FYB1: variants seen among roughly 807,000 people sequenced by gnomAD.
FYB1 encodes FYN-binding protein 1.
Under a neutral mutation model 94.1 loss-of-function variants are expected in FYB1, and 41 were observed. That is an observed-to-expected ratio of 0.44 (90% CI 0.34 to 0.57). FYB1 has a LOEUF of 0.57. Among genes scored for constraint, FYB1 ranks in the 20% least tolerant of loss-of-function variants. The pLI is 0.02. For synonymous variants in FYB1, 367 were observed against 353.2 expected (o/e 1.04, Z -0.44); for missense variants, 1,050 against 976.8 (o/e 1.07, Z -1.00).
intron 1 of FYB1, among the ~76,000 whole-genome samples, chr5:39,265,853 T>C (rs1290550365): frequency 1.3e-5 from 2 of 152,124 alleles, no homozygotes; most frequent in Non-Finnish European, 2.9e-5. Flanking sequence ...GGAGCTCAAA[T>C]AACCTTTGTT....
chr5:39,211,114 C>T (rs1489867392), intron 1 of FYB1: 2 of 152,102 alleles, frequency 1.3e-5, no homozygotes, highest in African/African-American at 4.8e-5. Context: ...AATTAGAAAA[C>T]AGTTTTTCAG....
intron 1 of FYB1, among the ~76,000 whole-genome samples, chr5:39,229,855 C>T (rs1750641505): frequency 6.6e-6 from 1 of 152,162 alleles, no homozygotes; most frequent in East Asian, 1.9e-4. Context: ...GCTGGCTTCA[C>T]AAGAGAATAA....
intron 3 of FYB1, among the ~76,000 whole-genome samples, chr5:39,145,117 T>C (rs1742530449): frequency 6.6e-6 from 1 of 152,208 alleles, no homozygotes; most frequent in Non-Finnish European, 1.5e-5. Flanking sequence ...GAAAGGAACG[T>C]GGAGGCTCGT....
At chr5:39,200,190 C>A (rs1276476156) in intron 2 of FYB1, among the ~76,000 whole-genome samples, 1 of 152,202 alleles carries the variant, frequency 6.6e-6, no homozygotes, top group African/African-American at 2.4e-5. Context: ...TAAACTCCGT[C>A]TGCTCTGCAG....
At chr5:39,170,422 C>A in intron 2 of FYB1, 2 of 467,472 alleles carry the variant, frequency 4.3e-6, no homozygotes, top group Non-Finnish European at 3.9e-6. Flanking sequence ...CGGACCCCCT[C>A]AGCAGCAGAC....
chr5:39,136,680 A>T (rs1307186473), intron 7 of FYB1, among the ~76,000 whole-genome samples: 1 of 152,180 alleles, frequency 6.6e-6, no homozygotes, highest in South Asian at 2.1e-4. Context: ...GTGCAACTGG[A>T]ATTTGAATCA....
At chr5:39,122,244 A>T in intron 14 of FYB1, 92 bp downstream of exon 14, 2 of 791,018 alleles carry the variant, frequency 2.5e-6, no homozygotes, top group Non-Finnish European at 4.3e-6. Flanking sequence ...CGCACACAGT[A>T]GACACACATC....
chr5:39,137,774 G>C (rs1741789949), intron 6 of FYB1, 54 bp from the exon 7 acceptor site: 1 of 1,545,898 alleles, frequency 6.5e-7, no homozygotes, highest in Non-Finnish European at 8.7e-7. Context: ...TGATGCGTCG[G>C]AACTCCCTAC....
Position 39,178,687 on chromosome 5 carries a change from C to CA in FYB1, c.1135+23138dup, listed in dbSNP as rs201361382. Among the ~76,000 whole-genome samples the CA allele has an allele frequency of 0.011, 1,609 of 151,752 alleles. 65 individuals are homozygous for CA. The East Asian group carries it at 0.14, about 13-fold the overall frequency. Reference sequence around the variant, plus strand: ...GGTTTTTTTTAACTGCAACAAGATTCAAAAAAATGCATAAGTCCTCCCATT... The same window carrying CA: ...GGTTTTTTTTAACTGCAACAAGATTCAAAAAAAATGCATAAGTCCTCCCATT... On this transcript the variant is annotated intron_variant, in intron 2 of 18. Transcript: ENST00000512982.
intron 3 of FYB1, among the ~76,000 whole-genome samples, chr5:39,148,922 A>T (rs541154104): frequency 6.6e-6 from 1 of 152,184 alleles, no homozygotes; most frequent in Non-Finnish European, 1.5e-5. Flanking sequence ...TTCTGTTTCA[A>T]TATGAAAAAT....
At chr5:39,141,581 G>A (rs954306800) in intron 3 of FYB1, among the ~76,000 whole-genome samples, 3 of 152,178 alleles carry the variant, frequency 2.0e-5, no homozygotes, top group Non-Finnish European at 4.4e-5. Flanking sequence ...CTTGAAGTCA[G>A]GAGTTCCAGA....
In FYB1 at chr5:39,202,216, CT is replaced by C. The variant is rs1381977863; in HGVS notation, c.744del (p.Asp249ThrfsTer16). On this transcript the variant is annotated frameshift_variant, in exon 2 of 19. Transcript: ENST00000512982. LOFTEE classifies it high-confidence loss of function. ...LKPAREDSEN[K>X]DHAGEISSLP... is the part of the protein sequence containing the mutation. Reference sequence around the variant, plus strand: ...AAACTTGAAATCTCCCCTGCATGGTCTTTATTTTCTGAGTCTTCCCTTGCTG... The same window carrying C: ...AAACTTGAAATCTCCCCTGCATGGTCTTATTTTCTGAGTCTTCCCTTGCTG... The C allele has an allele frequency of 6.2e-7, 1 of 1,613,976 alleles. No homozygotes were observed. The highest frequency in any genetic ancestry group is 8.5e-7 in the Non-Finnish European group (1 of 1,179,888).
At chr5:39,123,115 C>A (rs1397651251) in intron 13 of FYB1, among the ~76,000 whole-genome samples, 3 of 152,126 alleles carry the variant, frequency 2.0e-5, no homozygotes, top group Non-Finnish European at 4.4e-5. Context: ...ATATTAATTA[C>A]TCTACAGTCA....
chr5:39,120,224 T>TTGTGTGTG (rs10532379), intron 14 of FYB1, among the ~76,000 whole-genome samples: 3 of 147,652 alleles, frequency 2.0e-5, no homozygotes, highest in African/African-American at 7.4e-5. Flanking sequence ...CCTTTATCAA[T>TTGTGTGTG]TGTGTGTGTG....
chr5:39,260,972 G>A (rs938690395), intron 1 of FYB1, among the ~76,000 whole-genome samples: 6 of 152,072 alleles, frequency 3.9e-5, no homozygotes, highest in Non-Finnish European at 8.8e-5. Flanking sequence ...TTGAAGGATT[G>A]TATTAAATGG....
chr5:39,273,766 G>A (rs1222905155), intron 1 of FYB1, among the ~76,000 whole-genome samples: 2 of 152,156 alleles, frequency 1.3e-5, no homozygotes, highest in Non-Finnish European at 2.9e-5. Context: ...GTGGTGGCTA[G>A]GTGGAGACTG....
chr5:39,108,816 C>T (rs1289404882), intron 17 of FYB1, among the ~76,000 whole-genome samples: 3 of 151,956 alleles, frequency 2.0e-5, no homozygotes, highest in Non-Finnish European at 4.4e-5. Context: ...AAAACTATTA[C>T]TTATGATTAT....
chr5:39,170,358 G>A (rs1745140181), intron 2 of FYB1: 2 of 1,030,558 alleles, frequency 1.9e-6, no homozygotes, highest in Non-Finnish European at 2.8e-6. Context: ...AATCCTATTG[G>A]CAAACCTGAG....
chr5:39,218,659 C>G (rs973158607), intron 1 of FYB1, among the ~76,000 whole-genome samples: 1 of 152,164 alleles, frequency 6.6e-6, no homozygotes, highest in African/African-American at 2.4e-5. Flanking sequence ...AAAACTGAGA[C>G]ACAGAGAGGT....
Sources: allele counts gnomAD v4.1 joint callset (sites outside exome capture counted in the v4.1 genomes callset), GRCh38; gene constraint gnomAD v4.1.1; transcripts MANE v1.5; gene names NCBI Gene and HGNC (gene_info 2026-07-23, HGNC 2026-07-21).